The following EYS variants were observed in gnomAD, a reference collection of about 807,000 sequenced individuals.
EYS encodes protein eyes shut homolog.
Under a neutral mutation model 282.1 loss-of-function variants are expected in EYS, and 250 were observed. That is an observed-to-expected ratio of 0.89 (90% CI 0.80 to 0.98). The LOEUF (loss-of-function observed/expected upper bound fraction) is 0.98. Among genes scored for constraint, EYS ranks in the 50% least tolerant of loss-of-function variants. The pLI is 0.00. For missense variants in EYS, 4,016 were observed against 3,709.0 expected (o/e 1.08, Z -2.15); for synonymous variants, 1,355 against 1,282.9 (o/e 1.06, Z -1.20).
At chr6:63,864,135 T>C in intron 36 of EYS, 51 bp downstream of exon 36, 1 of 1,400,862 alleles carries the variant, frequency 7.1e-7, no homozygotes, top group Non-Finnish European at 9.4e-7. Flanking sequence ...ATTTCTATCC[T>C]CTTCACCTCT....
intron 22 of EYS, among the ~76,000 whole-genome samples, chr6:64,741,876 T>G (rs1047567556): frequency 1.3e-5 from 2 of 152,220 alleles, no homozygotes; most frequent in Non-Finnish European, 2.9e-5. Context: ...TGGTTTGATC[T>G]TCTATCCAGA....
chr6:65,148,738 C>T (rs943962842), intron 12 of EYS, among the ~76,000 whole-genome samples: 4 of 152,092 alleles, frequency 2.6e-5, no homozygotes, highest in African/African-American at 9.7e-5. Flanking sequence ...GAGGTCTCCA[C>T]CCCTGCAGCA....
At chr6:65,523,910 C>T (rs904633633) in intron 2 of EYS, among the ~76,000 whole-genome samples, 1 of 152,128 alleles carries the variant, frequency 6.6e-6, no homozygotes, top group Non-Finnish European at 1.5e-5. Flanking sequence ...TCACTCTTGT[C>T]GCCTAGTCTA....
intron 35 of EYS, among the ~76,000 whole-genome samples, chr6:63,865,303 T>C (rs1261237799): frequency 2.0e-5 from 3 of 152,190 alleles, no homozygotes; most frequent in Admixed American, 2.0e-4. Flanking sequence ...AATGTAAATA[T>C]AAGTGACAGA....
intron 24 of EYS, among the ~76,000 whole-genome samples, chr6:64,615,012 C>T (rs965725907): frequency 6.6e-6 from 1 of 152,020 alleles, no homozygotes; most frequent in Non-Finnish European, 1.5e-5. Context: ...AGCAAACGTT[C>T]CAACAGAATG....
chr6:65,481,869 C>A (rs1765619506), intron 5 of EYS, among the ~76,000 whole-genome samples: 1 of 151,994 alleles, frequency 6.6e-6, no homozygotes, highest in African/African-American at 2.4e-5. Flanking sequence ...TGCGCCCAGT[C>A]CAATTTTGAG....
At chr6:64,278,985 C>G (rs1448161114) in intron 30 of EYS, among the ~76,000 whole-genome samples, 1 of 152,096 alleles carries the variant, frequency 6.6e-6, no homozygotes, top group Non-Finnish European at 1.5e-5. Flanking sequence ...AATTCCTGGG[C>G]TCTTGCAATC....
At chr6:64,807,171 T>C (rs1316171881) in intron 22 of EYS, among the ~76,000 whole-genome samples, 2 of 152,122 alleles carry the variant, frequency 1.3e-5, no homozygotes, top group East Asian at 1.9e-4. Flanking sequence ...ACAAAATAGA[T>C]GTCTAACTGC....
chr6:65,051,434 CA>C (rs926249837), intron 13 of EYS, among the ~76,000 whole-genome samples: 5 of 151,230 alleles, frequency 3.3e-5, no homozygotes, highest in African/African-American at 1.2e-4. Context: ...TTTAAATTGA[CA>C]AATTAAAAAT....
intron 29 of EYS, among the ~76,000 whole-genome samples, chr6:64,327,766 C>T (rs1386109732): frequency 6.6e-6 from 1 of 152,122 alleles, no homozygotes; most frequent in Non-Finnish European, 1.5e-5. Flanking sequence ...ACAGGCCCCA[C>T]CTGAAGAGTT....
chr6:63,781,079 G>A (rs1348433130), intron 39 of EYS, among the ~76,000 whole-genome samples: 1 of 152,126 alleles, frequency 6.6e-6, no homozygotes, highest in African/African-American at 2.4e-5. Flanking sequence ...TATTATTTCT[G>A]AAGGCTCTGT....
At chr6:63,888,325 C>T (rs1040628943) in intron 35 of EYS, among the ~76,000 whole-genome samples, 4 of 152,216 alleles carry the variant, frequency 2.6e-5, no homozygotes, top group Non-Finnish European at 4.4e-5. Context: ...GGTCCTTGAC[C>T]CCTGTGCCTC....
chr6:64,163,700 TTCTG>T (rs1775180033), intron 31 of EYS, among the ~76,000 whole-genome samples: 1 of 152,110 alleles, frequency 6.6e-6, no homozygotes, highest in Non-Finnish European at 1.5e-5. Context: ...AGGCAAATCT[TTCTG>T]TAAGGCAAAA....
At chr6:64,949,495 AG>A (rs1769406933) in intron 14 of EYS, among the ~76,000 whole-genome samples, 1 of 151,890 alleles carries the variant, frequency 6.6e-6, no homozygotes, top group Non-Finnish European at 1.5e-5. Flanking sequence ...TGTTTTTTTA[AG>A]GACAACAGGA....
intron 1 of EYS, among the ~76,000 whole-genome samples, chr6:65,651,630 G>A (rs1191470919): frequency 6.6e-6 from 1 of 151,854 alleles, no homozygotes; most frequent in African/African-American, 2.4e-5. Flanking sequence ...GAATAATACA[G>A]CAACCACTAG....
chr6:65,449,894 T>A (rs956886061), intron 5 of EYS, among the ~76,000 whole-genome samples: 2 of 152,044 alleles, frequency 1.3e-5, no homozygotes, highest in Non-Finnish European at 2.9e-5. Context: ...GACCTCTTCC[T>A]CATTTTAGAT....
chr6:65,067,341 G>A (rs1773777184), intron 12 of EYS, among the ~76,000 whole-genome samples: 1 of 151,906 alleles, frequency 6.6e-6, no homozygotes, highest in African/African-American at 2.4e-5. Context: ...CTAAAAATTG[G>A]AGTCTAACAC....
chr6:65,674,450 CAAAAAAAAAAAAAAAAA>C (rs56958605), intron 1 of EYS, among the ~76,000 whole-genome samples: 2 of 34,760 alleles, frequency 5.8e-5, no homozygotes, highest in African/African-American at 1.0e-4. Flanking sequence ...GACTCCGTCT[CAAAAAAAAAAAAAAAAA>C]AAAAAAAAAA....
rs1197679395 is a variant in EYS at position 64,071,244 on chromosome 6, AT to A, written c.6572-4754del. Among the ~76,000 whole-genome samples, 10 of 152,148 alleles carry A rather than the reference AT, an allele frequency of 6.6e-5. No homozygotes were observed. The East Asian group carries it at 1.5e-3, about 24-fold the overall frequency. ...CTTTGAAATGAGAAAATAATTTAAT[AT>A]TTAGCTTACTCATCCAGGTTCTCTG... is the stretch of plus-strand genomic sequence containing the variant. On this transcript the variant is annotated intron_variant, in intron 32 of 42. Coordinates refer to ENST00000503581, the MANE Select transcript of EYS (RefSeq NM_001142800.2).
Sources: allele counts gnomAD v4.1 joint callset (sites outside exome capture counted in the v4.1 genomes callset), GRCh38; gene constraint gnomAD v4.1.1; transcripts MANE v1.5; gene names NCBI Gene and HGNC (gene_info 2026-07-23, HGNC 2026-07-21).